The following CLPTM1 variants were observed in gnomAD, a reference collection of about 807,000 sequenced individuals.
CLPTM1 encodes the protein putative lipid scramblase CLPTM1.
Under a neutral mutation model 77.3 loss-of-function variants are expected in CLPTM1, and 21 were observed. The ratio of observed to expected loss-of-function variants is 0.27; its 90% CI spans 0.19 to 0.39. CLPTM1 has a LOEUF of 0.39. Ranked by LOEUF, CLPTM1 falls within the 10% of genes least tolerant of loss-of-function variation. The pLI, the probability that CLPTM1 is intolerant of heterozygous loss-of-function variation, is 1.00. For synonymous variants in CLPTM1, 373 were observed against 381.0 expected (o/e 0.98, Z 0.24); for missense variants, 642 against 921.2 (o/e 0.70, Z 3.92).
In CLPTM1 at chr19:44,992,739, G is replaced by T. The variant is rs774543273; in HGVS notation, c.1852G>T (p.Ala618Ser). 40 of 1,612,986 alleles carry T rather than the reference G, an allele frequency of 2.5e-5. No individual in the cohort carries two copies. Among genetic ancestry groups the T allele is most frequent in the Non-Finnish European group, 3.3e-5 (39 of 1,179,882 alleles). ...AAPVAEVPTA[A>S]GALTPTPAPT... ...CCCCGTGGCCGAGGTTCCCACAGCAGCAGGGGCCCTCACGCCCACACCTGC... is the reference window on the plus strand; with the variant it reads ...CCCCGTGGCCGAGGTTCCCACAGCATCAGGGGCCCTCACGCCCACACCTGC... The change falls in exon 14 of 14, where the codon GCA (alanine) becomes TCA (serine). Residue 618 changes from alanine to serine, a missense_variant. Physicochemically the swap from Ala to Ser is moderately conservative, Grantham distance 99 (BLOSUM62 1). Coordinates refer to ENST00000337392, the MANE Select transcript of CLPTM1 (RefSeq NM_001294.4). The surrounding 1 kb of genome is among the most constrained non-coding windows in gnomAD (Gnocchi z 7.7).
rs1285896321 is a variant in CLPTM1 at position 44,987,426 on chromosome 19, G to T, written c.1038+3G>T. On this transcript the variant is annotated splice_donor_region_variant and intron_variant, in intron 8 of 13. Coordinates refer to ENST00000337392, the MANE Select transcript of CLPTM1 (RefSeq NM_001294.4). ...ATGAGGAGCAGGACTCGGTGAAGGT[G>T]AGTGCGGCCGGTGTGGGCGGGACTT... The T allele has an allele frequency of 3.1e-6, 5 of 1,612,834 alleles. No individual in the cohort carries two copies. In the African/African-American group the frequency reaches 5.3e-5, roughly 17 times the overall value.
intron 5 of CLPTM1, among the ~76,000 whole-genome samples, chr19:44,983,441 A>G (rs1474213471): frequency 6.6e-6 from 1 of 151,404 alleles, no homozygotes; most frequent in Non-Finnish European, 1.5e-5. Flanking sequence ...CAACATGGTG[A>G]CACCCTGTCT....
At chr19:44,959,754 C>T (rs898599034) in intron 1 of CLPTM1, among the ~76,000 whole-genome samples, 1 of 152,142 alleles carries the variant, frequency 6.6e-6, no homozygotes, top group Admixed American at 6.6e-5. Flanking sequence ...CCATATTTTC[C>T]GAAGTAGCTG....
At chr19:44,954,738 C>A, upstream of CLPTM1, 1 of 1,299,996 alleles carries the variant, frequency 7.7e-7, no homozygotes, top group Non-Finnish European at 9.8e-7. Context: ...GCGTGCTAGG[C>A]AGGGCAGTCC....
At position 44,993,038 on chromosome 19, in the gene CLPTM1, C is replaced by A; in HGVS notation, c.*141C>A. 1.9e-6 allele frequency: 2 copies of A among 1,074,132 alleles called. No homozygotes were observed. The highest frequency in any genetic ancestry group is 2.8e-6 in the Non-Finnish European group (2 of 721,006). 66.5% of individuals were successfully genotyped at this position (1,074,132 alleles called of 1,614,324 possible). ...AGGCCCGCCTCAGGTCAGGGCCCAG[C>A]GTGTGATGTAGGGGCCGGGGCAGGC... On this transcript the variant is annotated 3_prime_UTR_variant, in exon 14 of 14. Transcript: ENST00000337392.
intron 5 of CLPTM1, among the ~76,000 whole-genome samples, chr19:44,984,101 A>T (rs1970941791): frequency 6.6e-6 from 1 of 152,228 alleles, no homozygotes; most frequent in South Asian, 2.1e-4. Flanking sequence ...CTGCGAGAGG[A>T]AGTGAGGCCA....
intron 5 of CLPTM1, among the ~76,000 whole-genome samples, chr19:44,979,244 G>T (rs1479687563): frequency 6.6e-6 from 1 of 152,136 alleles, no homozygotes; most frequent in African/African-American, 2.4e-5. Context: ...CTCCCAAAGT[G>T]CTGGGATTAC....
rs1485378236 is a variant in CLPTM1 at position 44,977,376 on chromosome 19, G to A, written c.502G>A (p.Val168Ile). The change falls in exon 5 of 14, where the codon GTT (valine) becomes ATT (isoleucine). Residue 168 changes from valine (V) to isoleucine (I), a missense_variant. Around this residue, in one of 2 missense-constraint regions of CLPTM1, gnomAD observed 521 missense variants for 800.4 expected, o/e 0.65. Coordinates refer to ENST00000337392, the MANE Select transcript of CLPTM1 (RefSeq NM_001294.4). ...VQQNGSIYIH[V>I]YFTKSGFHPD... Reference sequence around the variant, plus strand: ...GCAGAACGGCTCCATCTACATCCACGTTTACTTCACCAAGAGTGGCTTCCA... The same window carrying A: ...GCAGAACGGCTCCATCTACATCCACATTTACTTCACCAAGAGTGGCTTCCA... The A allele has an allele frequency of 9.3e-6, 15 of 1,610,342 alleles. No homozygotes were observed. The highest frequency in any genetic ancestry group is 2.2e-5 in the East Asian group (1 of 44,862).
At chr19:44,962,342 A>G (rs1181365558) in intron 2 of CLPTM1, among the ~76,000 whole-genome samples, 5 of 152,116 alleles carry the variant, frequency 3.3e-5, no homozygotes, top group Non-Finnish European at 5.9e-5. Context: ...AAAAATACTG[A>G]AGTAGTTTGC....
chr19:44,967,883 G>A (rs554702787), intron 2 of CLPTM1, among the ~76,000 whole-genome samples: 11 of 151,934 alleles, frequency 7.2e-5, no homozygotes, highest in South Asian at 2.1e-4. Context: ...GTCCCTTACC[G>A]TCTCCACTTC....
At chr19:44,981,547 A>G (rs985920570) in intron 5 of CLPTM1, among the ~76,000 whole-genome samples, 2 of 152,088 alleles carry the variant, frequency 1.3e-5, no homozygotes, top group African/African-American at 2.4e-5. Context: ...GTGAACTGTG[A>G]TCAGGCCACT....
In CLPTM1 at chr19:44,990,471, A is replaced by G; in HGVS notation, c.1209A>G (p.Ser403=). ...CCGTCTTCTTCGGCGTTTTCCAGTC[A>G]TTCGTGGTCCTCCTCTACATCCTGG... ...VRSVFFGVFQ[S]FVVLLYILDN... The change falls in exon 10 of 14, where the codon TCA becomes TCG. Residue 403 remains serine (S), a synonymous_variant. Coordinates refer to ENST00000337392, the MANE Select transcript of CLPTM1 (RefSeq NM_001294.4). This position sits in a 1 kb window ranked among gnomAD's most constrained non-coding sequence, Gnocchi z 4.8. 3 of 1,614,042 alleles carry G rather than the reference A, an allele frequency of 1.9e-6. No individual in the cohort carries two copies. The highest frequency in any genetic ancestry group is 1.1e-5 in the South Asian group (1 of 91,086).
rs10404137 is a variant in CLPTM1 at position 44,967,168 on chromosome 19, A to G, written c.185+5093A>G. On this transcript the variant is annotated intron_variant, in intron 2 of 13. Transcript: ENST00000337392. ...ACCCCATCTCTGTAAAAAACTAAAA[A>G]ATTAGCTGGGTGTGATGGCGCACAC... 6.0e-3 allele frequency among the ~76,000 whole-genome samples: 907 copies of G among 152,222 alleles called. 9 individuals are homozygous for G. The highest frequency in any genetic ancestry group is 0.021 in the African/African-American group (867 of 41,548).
In CLPTM1 at chr19:44,992,906, G is replaced by T; in HGVS notation, c.*9G>T. 1 of 1,612,274 alleles carries T rather than the reference G, an allele frequency of 6.2e-7. No individual in the cohort carries two copies. On this transcript the variant is annotated 3_prime_UTR_variant, in exon 14 of 14. Transcript: ENST00000337392. The surrounding 1 kb of genome is among the most constrained non-coding windows in gnomAD (Gnocchi z 7.7). ...ACAAGAAAAAGGATTAGTCGAGACT[G>T]GTCCTCACCTGCTCCGGCTCCTGGC...
chr19:44,965,809 C>T (rs1970619707), intron 2 of CLPTM1, among the ~76,000 whole-genome samples: 1 of 152,148 alleles, frequency 6.6e-6, no homozygotes, highest in African/African-American at 2.4e-5. Context: ...GAGACTCCGT[C>T]TCAAAAAATA....
intron 7 of CLPTM1, chr19:44,986,890 A>G (rs146954128): frequency 1.3e-5 from 7 of 528,692 alleles, no homozygotes; most frequent in Middle Eastern, 5.0e-4. Context: ...TAAAAGCCAC[A>G]ATTTCTGGCT....
chr19:44,975,858 C>G (rs1314740262), intron 4 of CLPTM1, among the ~76,000 whole-genome samples: 2 of 152,260 alleles, frequency 1.3e-5, no homozygotes, highest in African/African-American at 4.8e-5. Context: ...GACACCGCGT[C>G]CAGCCATCAT....
At chr19:44,988,043 GGT>G in intron 8 of CLPTM1, 35 bp from the exon 9 acceptor site, 1 of 1,487,952 alleles carries the variant, frequency 6.7e-7, no homozygotes, top group South Asian at 1.1e-5. Context: ...GGTGCTCCTG[GGT>G]GGGGACAGGC....
At chr19:44,971,867 CTT>C (rs10693027) in intron 2 of CLPTM1, among the ~76,000 whole-genome samples, 6 of 83,284 alleles carry the variant, frequency 7.2e-5, no homozygotes, top group South Asian at 8.5e-4. Flanking sequence ...CCCAATTATA[CTT>C]TTTTTTTTTT....
Sources: allele counts gnomAD v4.1 joint callset (sites outside exome capture counted in the v4.1 genomes callset), GRCh38; gene constraint gnomAD v4.1.1; regional missense constraint gnomAD v4.1.1; non-coding constraint Gnocchi (gnomAD v3.1); transcripts MANE v1.5; gene names NCBI Gene and HGNC (gene_info 2026-07-23, HGNC 2026-07-21).